The following TMEM232 variants were observed in gnomAD, a reference collection of about 807,000 sequenced individuals.
The protein encoded by TMEM232 is transmembrane protein 232.
Under a neutral mutation model 78.8 loss-of-function variants are expected in TMEM232, and 80 were observed. That is an observed-to-expected ratio of 1.01 (90% CI 0.85 to 1.22). The LOEUF (loss-of-function observed/expected upper bound fraction) is 1.22, where lower values mean the gene tolerates loss of function less well. Among genes scored for constraint, TMEM232 ranks in the 50% most tolerant of loss-of-function variants. The probability of loss-of-function intolerance (pLI) is 0.00; values close to 1 mark genes in which losing one functional copy is unlikely to be tolerated. For synonymous variants in TMEM232, 297 were observed against 254.3 expected (o/e 1.17, Z -1.60); for missense variants, 881 against 742.2 (o/e 1.19, Z -2.17).
chr5:110,433,693 T>C (rs1436059268), intron 12 of TMEM232, among the ~76,000 whole-genome samples: 1 of 152,058 alleles, frequency 6.6e-6, no homozygotes, highest in African/African-American at 2.4e-5. Flanking sequence ...AGATGTTGGA[T>C]TTTATCAAAT....
chr5:110,611,488 G>A (rs1322513861), intron 8 of TMEM232, among the ~76,000 whole-genome samples: 1 of 152,150 alleles, frequency 6.6e-6, no homozygotes, highest in African/African-American at 2.4e-5. Flanking sequence ...TCTCATCAGG[G>A]AAGGCAGAGA....
intron 2 of TMEM232, among the ~76,000 whole-genome samples, chr5:110,656,819 C>G (rs1789138987): frequency 6.8e-6 from 1 of 146,106 alleles, no homozygotes; most frequent in Non-Finnish European, 1.5e-5. Flanking sequence ...GCCTGGGCAA[C>G]AGAGCAAGAC....
intron 10 of TMEM232, among the ~76,000 whole-genome samples, chr5:110,582,644 G>C (rs1301906561): frequency 6.6e-6 from 1 of 151,902 alleles, no homozygotes; most frequent in African/African-American, 2.4e-5. Context: ...ACAGAGTCCT[G>C]AAAGTGCTAG....
chr5:110,732,681 T>C (rs775165780), intron 2 of TMEM232, among the ~76,000 whole-genome samples: 3 of 152,234 alleles, frequency 2.0e-5, no homozygotes, highest in Non-Finnish European at 2.9e-5. Context: ...GTGTGAATTC[T>C]GGGAGATACA....
intron 8 of TMEM232, among the ~76,000 whole-genome samples, chr5:110,614,975 T>C (rs1320677134): frequency 6.6e-6 from 1 of 151,974 alleles, no homozygotes; most frequent in Non-Finnish European, 1.5e-5. Context: ...TTTAGTTTCA[T>C]ATTTATAAAT....
At chr5:110,567,748 T>A (rs575743415) in intron 11 of TMEM232, among the ~76,000 whole-genome samples, 13 of 152,086 alleles carry the variant, frequency 8.5e-5, no homozygotes, top group African/African-American at 2.9e-4. Flanking sequence ...ACCTTTACAC[T>A]TTCTCTAGTC....
chr5:110,532,785 CATCTCAT>C (rs1294607546), intron 11 of TMEM232, among the ~76,000 whole-genome samples: 5 of 152,024 alleles, frequency 3.3e-5, no homozygotes, highest in Non-Finnish European at 5.9e-5. Flanking sequence ...CACTCCTTAC[CATCTCAT>C]TAAAACCTAA....
chr5:110,579,431 T>A (rs1483195402), intron 10 of TMEM232, among the ~76,000 whole-genome samples: 1 of 151,766 alleles, frequency 6.6e-6, no homozygotes, highest in African/African-American at 2.4e-5. Flanking sequence ...GTAAAGATCT[T>A]GATACTTAAT....
In TMEM232 at chr5:110,543,878, T is replaced by G. The variant is rs114057662; in HGVS notation, c.1456-15043A>C. 1.8e-3 allele frequency among the ~76,000 whole-genome samples: 277 copies of G among 152,328 alleles called. 2 individuals are homozygous for G. Among genetic ancestry groups the G allele is most frequent in the African/African-American group, 6.3e-3 (263 of 41,586 alleles). ...ATTATACTTCTAGAGTCGTCTTCTA[T>G]AGTTATCTTCCTTCTTCTCTTAAAG... On this transcript the variant is annotated intron_variant, in intron 11 of 13. Transcript: ENST00000455884.
intron 11 of TMEM232, among the ~76,000 whole-genome samples, chr5:110,559,174 A>G (rs755373239): frequency 2.6e-5 from 4 of 152,166 alleles, no homozygotes; most frequent in Non-Finnish European, 4.4e-5. Context: ...GTTTTACTTT[A>G]TATTACACAA....
At chr5:110,512,157 C>T (rs964477154) in intron 12 of TMEM232, among the ~76,000 whole-genome samples, 1 of 152,262 alleles carries the variant, frequency 6.6e-6, no homozygotes, top group Admixed American at 6.5e-5. Flanking sequence ...TTTTAATTAA[C>T]ATCTATCTCC....
intron 10 of TMEM232, among the ~76,000 whole-genome samples, chr5:110,603,496 G>C (rs145091942): frequency 0.034 from 5,206 of 152,132 alleles, 130 homozygotes; most frequent in African/African-American, 0.065. Context: ...CACTAGAAGT[G>C]AGGAAAAACT....
intron 10 of TMEM232, among the ~76,000 whole-genome samples, chr5:110,579,674 T>A (rs2149721561): frequency 6.6e-6 from 1 of 150,974 alleles, no homozygotes; most frequent in Middle Eastern, 3.4e-3. Flanking sequence ...CCTACAGAAG[T>A]TACACGAAAG....
rs1299768722 is a variant in TMEM232, at chr5:110,568,441, C to A, written c.1455+6G>T. The A allele has an allele frequency of 1.0e-5, 16 of 1,531,710 alleles. 1 individual carries two copies. The South Asian group carries it at 1.4e-4, about 13-fold the overall frequency. 94.9% of individuals were successfully genotyped at this position (1,531,710 alleles called of 1,614,324 possible). A position where few individuals can be genotyped will look rare whatever the true frequency, so the allele number is the denominator to read the frequency against. On this transcript the variant is annotated splice_donor_region_variant and intron_variant, in intron 11 of 13. Coordinates refer to ENST00000455884, the MANE Select transcript of TMEM232 (RefSeq NM_001039763.4). ...TACATATTTATTGCCCAGTGTTTTA[C>A]CTTACCTGAGCTATATTGATTGCAT...
intron 11 of TMEM232, among the ~76,000 whole-genome samples, chr5:110,562,486 A>G (rs1464087946): frequency 2.6e-5 from 4 of 152,114 alleles, no homozygotes; most frequent in African/African-American, 4.8e-5. Flanking sequence ...GAAGAGAACA[A>G]TAATACATTC....
At chr5:110,737,834 G>A (rs188306411) in intron 1 of TMEM232, among the ~76,000 whole-genome samples, 2 of 152,022 alleles carry the variant, frequency 1.3e-5, no homozygotes, top group Admixed American at 1.3e-4. Flanking sequence ...TTACTATATG[G>A]ACATTTAAAT....
At chr5:110,597,464 A>T (rs1286987564) in intron 10 of TMEM232, among the ~76,000 whole-genome samples, 2 of 152,174 alleles carry the variant, frequency 1.3e-5, no homozygotes, top group Admixed American at 1.3e-4. Flanking sequence ...ATTCAATGCC[A>T]TCCCCATCAA....
At chr5:110,714,991 C>A (rs1026764610) in intron 1 of TMEM232, among the ~76,000 whole-genome samples, 1 of 152,050 alleles carries the variant, frequency 6.6e-6, no homozygotes, top group African/African-American at 2.4e-5. Context: ...AGAGAATAGA[C>A]AAATATAAAT....
At position 110,624,491 on chromosome 5, in the gene TMEM232, G is replaced by T. The variant is rs536010473; in HGVS notation, c.768+776C>A. ...TCATAAGCATGTCTGTTCTCTTCAT[G>T]ATCAGTGCTCTTTCTGTTGCTCGAT... is the stretch of plus-strand genomic sequence containing the variant. On this transcript the variant is annotated intron_variant, in intron 7 of 13. Coordinates refer to ENST00000455884, the MANE Select transcript of TMEM232 (RefSeq NM_001039763.4). 3.1e-3 allele frequency among the ~76,000 whole-genome samples: 470 copies of T among 152,114 alleles called. 3 individuals carry two copies. The highest frequency in any genetic ancestry group is 0.011 in the African/African-American group (448 of 41,536).
Sources: gnomAD v4.1 joint callset for allele counts (sites outside exome capture counted in the v4.1 genomes callset) on GRCh38, gnomAD v4.1.1 for gene constraint, MANE v1.5 for transcripts, NCBI Gene and HGNC (gene_info 2026-07-23, HGNC 2026-07-21) for gene names.